Variants in XKR6 observed in about 807,000 individuals in gnomAD.
The protein encoded by XKR6 is XK related 6, also known as XK-related protein 6.
A neutral mutation model predicts 56.7 loss-of-function variants in XKR6; 22 were observed. The observed-to-expected ratio is 0.39, with a 90% CI of 0.28 to 0.55. The LOEUF (loss-of-function observed/expected upper bound fraction) is 0.55, where lower values mean the gene tolerates loss of function less well. XKR6 is among the 20% of genes least tolerant of loss of function. The probability of loss-of-function intolerance (pLI) is 0.66; values close to 1 mark genes in which losing one functional copy is unlikely to be tolerated. For missense variants in XKR6, 852 were observed against 889.0 expected (o/e 0.96, Z 0.53); for synonymous variants, 524 against 387.8 (o/e 1.35, Z -4.13).
chr8:11,190,374 A>G (rs1803512143), intron 1 of XKR6, among the ~76,000 whole-genome samples: 1 of 152,200 alleles, frequency 6.6e-6, no homozygotes, highest in South Asian at 2.1e-4. Context: ...GAGAACCAAC[A>G]TATTTGAGTG....
chr8:10,977,408 G>T (rs958794358), intron 1 of XKR6, among the ~76,000 whole-genome samples: 4 of 151,902 alleles, frequency 2.6e-5, no homozygotes, highest in African/African-American at 9.7e-5. Context: ...GTTAAGAGAT[G>T]AGACTCTCTA....
At chr8:11,102,533 G>A (rs1293372999) in intron 1 of XKR6, among the ~76,000 whole-genome samples, 2 of 152,206 alleles carry the variant, frequency 1.3e-5, no homozygotes, top group East Asian at 1.9e-4. Flanking sequence ...AAGAATGGAA[G>A]GGGACAAACA....
rs748776482 is a variant in XKR6, at chr8:11,200,531, G to A, written c.764+45C>T. ...CCGCGAAGCACCGGGAGGGCGGAGG[G>A]GGGCTCCTCAGGGCCGGCCCGCCCC... On this transcript the variant is annotated intron_variant, in intron 1 of 2. Coordinates refer to ENST00000416569, the MANE Select transcript of XKR6 (RefSeq NM_173683.4). The surrounding 1 kb of genome is among the most constrained non-coding windows in gnomAD (Gnocchi z 6.4). The A allele has an allele frequency of 1.1e-5, 15 of 1,410,878 alleles. No homozygotes were observed. Among genetic ancestry groups the A allele is most frequent in the Non-Finnish European group, 1.4e-5 (15 of 1,090,706 alleles). The allele number at this position is 1,410,878 out of a possible 1,614,324, so 87.4% of individuals were successfully genotyped here. A position where few individuals can be genotyped will look rare whatever the true frequency, so the allele number is the denominator to read the frequency against.
At chr8:11,153,745 T>A (rs895630650) in intron 1 of XKR6, among the ~76,000 whole-genome samples, 1 of 152,202 alleles carries the variant, frequency 6.6e-6, no homozygotes, top group Non-Finnish European at 1.5e-5. Context: ...CATTCTTTGA[T>A]CTGCTCAAGC....
chr8:11,178,590 T>TAC (rs575943399), intron 1 of XKR6, among the ~76,000 whole-genome samples: 14 of 122,668 alleles, frequency 1.1e-4, no homozygotes, highest in African/African-American at 4.5e-4. Flanking sequence ...ATATATGTAC[T>TAC]ACACACACAC....
intron 1 of XKR6, among the ~76,000 whole-genome samples, chr8:11,037,447 A>G (rs1223759168): frequency 6.6e-6 from 1 of 152,178 alleles, no homozygotes; most frequent in African/African-American, 2.4e-5. Context: ...CTGGTCTCCA[A>G]TTCCTGGGAT....
At chr8:10,911,370 T>G (rs1342916561) in intron 2 of XKR6, among the ~76,000 whole-genome samples, 3 of 143,850 alleles carry the variant, frequency 2.1e-5, no homozygotes, top group African/African-American at 7.9e-5. Context: ...TATATATATA[T>G]AGACAGAGAG....
chr8:11,122,880 T>C (rs1799522801), intron 1 of XKR6, among the ~76,000 whole-genome samples: 1 of 152,136 alleles, frequency 6.6e-6, no homozygotes, highest in African/African-American at 2.4e-5. Context: ...TAACACACAA[T>C]TCATGTAGCA....
At chr8:11,033,983 T>G (rs1450399565) in intron 1 of XKR6, among the ~76,000 whole-genome samples, 2 of 152,172 alleles carry the variant, frequency 1.3e-5, no homozygotes, top group African/African-American at 4.8e-5. Flanking sequence ...AACCACATCC[T>G]CAAATTTCAA....
intron 1 of XKR6, among the ~76,000 whole-genome samples, chr8:10,952,889 G>T (rs982677805): frequency 6.6e-6 from 1 of 152,170 alleles, no homozygotes; most frequent in African/African-American, 2.4e-5. Flanking sequence ...ATTACCACCT[G>T]AGCTCTGCCT....
chr8:10,903,979 C>A (rs1357568547), intron 2 of XKR6, among the ~76,000 whole-genome samples: 1 of 152,168 alleles, frequency 6.6e-6, no homozygotes, highest in Admixed American at 6.5e-5. Flanking sequence ...AAAGTCAATG[C>A]GTTCTCCTAG....
At chr8:11,143,379 T>C (rs1350115118) in intron 1 of XKR6, among the ~76,000 whole-genome samples, 1 of 152,142 alleles carries the variant, frequency 6.6e-6, no homozygotes, top group Non-Finnish European at 1.5e-5. Context: ...CTACAACATA[T>C]AATTGTGCTG....
chr8:10,915,134 A>T (rs4073948), intron 2 of XKR6, among the ~76,000 whole-genome samples: 91,164 of 152,214 alleles, frequency 0.6, 30,006 homozygotes, highest in African/African-American at 0.87. Context: ...CATTTTCTAA[A>T]AGAGAAAATA....
At chr8:11,048,685 C>T (rs771412374) in intron 1 of XKR6, among the ~76,000 whole-genome samples, 1 of 152,182 alleles carries the variant, frequency 6.6e-6, no homozygotes, top group Non-Finnish European at 1.5e-5. Context: ...GAGTCCCCTT[C>T]CTGGGTGACT....
chr8:11,070,273 G>A (rs1268237919), intron 1 of XKR6, among the ~76,000 whole-genome samples: 2 of 152,282 alleles, frequency 1.3e-5, no homozygotes, highest in African/African-American at 4.8e-5. Context: ...ATTCATCCAC[G>A]CCTCATCAAT....
chr8:11,087,796 A>C, intron 1 of XKR6, among the ~76,000 whole-genome samples: 1 of 152,364 alleles, frequency 6.6e-6, no homozygotes, highest in Middle Eastern at 3.4e-3. Context: ...TCACACGCAA[A>C]GGTCATCTCC....
At chr8:11,086,199 G>C (rs1406126940) in intron 1 of XKR6, among the ~76,000 whole-genome samples, 1 of 149,266 alleles carries the variant, frequency 6.7e-6, no homozygotes, top group East Asian at 1.9e-4. Context: ...CCAGATTCTT[G>C]CTAATGCATC....
chr8:10,998,811 C>A (rs547067372), intron 1 of XKR6, among the ~76,000 whole-genome samples: 2 of 152,342 alleles, frequency 1.3e-5, no homozygotes, highest in African/African-American at 4.8e-5. Context: ...TACAACCAGT[C>A]CCAGATCCCA....
chr8:10,929,984 G>A (rs763490908), intron 1 of XKR6, among the ~76,000 whole-genome samples: 1 of 152,174 alleles, frequency 6.6e-6, no homozygotes, highest in African/African-American at 2.4e-5. Context: ...AGGGAGACAC[G>A]GTTGTCATCT....
Sources: gnomAD v4.1 joint callset for allele counts (sites outside exome capture counted in the v4.1 genomes callset) on GRCh38, gnomAD v4.1.1 for gene constraint, Gnocchi (gnomAD v3.1) non-coding constraint, MANE v1.5 for transcripts, NCBI Gene and HGNC (gene_info 2026-07-23, HGNC 2026-07-21) for gene names.